TPCN1: variants seen among roughly 807,000 people sequenced by gnomAD.
TPCN1 encodes two pore segment channel 1, also known as two pore channel protein 1.
A neutral mutation model predicts 108.8 loss-of-function variants in TPCN1; 52 were observed. The observed-to-expected ratio is 0.48, with a 90% CI of 0.38 to 0.60. The LOEUF is 0.60. TPCN1 is among the 20% of genes least tolerant of loss of function. TPCN1 has a pLI of 0.00. For synonymous variants in TPCN1, 446 were observed against 433.7 expected (o/e 1.03, Z -0.35); for missense variants, 806 against 1,072.8 (o/e 0.75, Z 3.47).
chr12:113,288,465 C>G lies in TPCN1; in HGVS notation c.1706+231C>G. On this transcript the variant is annotated intron_variant, in intron 20 of 27. Coordinates refer to ENST00000335509, the MANE Select transcript of TPCN1 (RefSeq NM_017901.6). This position sits in a 1 kb window ranked among gnomAD's most constrained non-coding sequence, Gnocchi z 4.8. The stretch of plus-strand genomic sequence containing the variant: ...AGTAGGGAGGGCAGGGAGCTGTCAA[C>G]TCGCTTACCACCTGTGTCTACATTC... 6.7e-7 allele frequency: 1 copy of G among 1,497,030 alleles called. No homozygotes were observed. The highest frequency in any genetic ancestry group is 8.9e-7 in the Non-Finnish European group (1 of 1,124,676). 92.7% of individuals were successfully genotyped at this position (1,497,030 alleles called of 1,614,324 possible).
At chr12:113,262,475 T>C (rs1955080202) in intron 3 of TPCN1, among the ~76,000 whole-genome samples, 1 of 152,110 alleles carries the variant, frequency 6.6e-6, no homozygotes, top group African/African-American at 2.4e-5. Context: ...CAATCATCTG[T>C]TTCTCATATG....
In TPCN1 at chr12:113,272,468, C is replaced by T. The variant is rs534874260; in HGVS notation, c.749-190C>T. Among the ~76,000 whole-genome samples the T allele has an allele frequency of 2.6e-5, 4 of 152,310 alleles. No individual in the cohort carries two copies. The highest frequency in any genetic ancestry group is 2.1e-4 in the South Asian group (1 of 4,830). On this transcript the variant is annotated intron_variant, in intron 7 of 27. Transcript: ENST00000335509. The surrounding 1 kb of genome is among the most constrained non-coding windows in gnomAD (Gnocchi z 4.1). ...CGGCACATTGCTGTAGGGCAGCAAG[C>T]GTCTGGTGCCAGCAGCCCTGCTCCC...
Position 113,240,006 on chromosome 12 carries a change from A to G in TPCN1, c.112+13042A>G, listed in dbSNP as rs186529920. 5.0e-3 allele frequency among the ~76,000 whole-genome samples: 762 copies of G among 151,822 alleles called. 9 individuals are homozygous for G. Among genetic ancestry groups the G allele is most frequent in the African/African-American group, 0.017 (718 of 41,398 alleles). On this transcript the variant is annotated intron_variant, in intron 2 of 27. Transcript: ENST00000335509. ...TTGTGGGTGGTCGTCGACAAGCATG[A>G]TGTCTTCTCTCTGTGACTCTCGAGG...
At chr12:113,241,397 T>G (rs991800662) in intron 2 of TPCN1, among the ~76,000 whole-genome samples, 2 of 152,214 alleles carry the variant, frequency 1.3e-5, no homozygotes, top group Non-Finnish European at 1.5e-5. Context: ...GCGTGGCCAG[T>G]GTTCATGGAA....
chr12:113,222,344 C>T (rs973624152), intron 1 of TPCN1, among the ~76,000 whole-genome samples: 2 of 152,182 alleles, frequency 1.3e-5, no homozygotes, highest in Non-Finnish European at 2.9e-5. Flanking sequence ...CTTCAATTTC[C>T]TCATTCCTAA....
intron 2 of TPCN1, among the ~76,000 whole-genome samples, chr12:113,233,644 G>A (rs1056674527): frequency 1.3e-5 from 2 of 152,226 alleles, no homozygotes; most frequent in African/African-American, 4.8e-5. Flanking sequence ...TATGCCTGGG[G>A]AGAGGATGTG....
rs902588936 is a variant in TPCN1, at chr12:113,232,204, G to A, written c.112+5240G>A. On this transcript the variant is annotated intron_variant, in intron 2 of 27. Transcript: ENST00000335509. This position sits in a 1 kb window ranked among gnomAD's most constrained non-coding sequence, Gnocchi z 5.6. Reference sequence around the variant, plus strand: ...TGCAGCTAAGGCCCAAGGTCACAGCGCAGAGAGCTGACCTCTCCCTCCTTC... The same window carrying A: ...TGCAGCTAAGGCCCAAGGTCACAGCACAGAGAGCTGACCTCTCCCTCCTTC... Among the ~76,000 whole-genome samples the A allele has an allele frequency of 3.9e-5, 6 of 152,224 alleles. No homozygotes were observed. Among genetic ancestry groups the A allele is most frequent in the Admixed American group, 1.3e-4 (2 of 15,284 alleles).
Position 113,266,489 on chromosome 12 carries a change from C to A in TPCN1, c.414+133C>A, listed in dbSNP as rs914897504. On this transcript the variant is annotated intron_variant, in intron 4 of 27. Coordinates refer to ENST00000335509, the MANE Select transcript of TPCN1 (RefSeq NM_017901.6). This position sits in a 1 kb window ranked among gnomAD's most constrained non-coding sequence, Gnocchi z 4.2. ...TTAAAACAGAGAGATACGAGGTGGT[C>A]ATAGAGGCCTTGGGAGCGGAAATGC... The A allele has an allele frequency of 8.1e-7, 1 of 1,235,134 alleles. No homozygotes were observed. Among genetic ancestry groups the A allele is most frequent in the African/African-American group, 1.5e-5 (1 of 66,942 alleles). 76.5% of individuals were successfully genotyped at this position (1,235,134 alleles called of 1,614,324 possible).
rs542766343 is a variant in TPCN1, at chr12:113,231,597, G to A, written c.112+4633G>A. 6.6e-6 allele frequency among the ~76,000 whole-genome samples: 1 copy of A among 152,336 alleles called. No individual in the cohort carries two copies. Among genetic ancestry groups the A allele is most frequent in the African/African-American group, 2.4e-5 (1 of 41,570 alleles). On this transcript the variant is annotated intron_variant, in intron 2 of 27. Coordinates refer to ENST00000335509, the MANE Select transcript of TPCN1 (RefSeq NM_017901.6). The surrounding 1 kb of genome is among the most constrained non-coding windows in gnomAD (Gnocchi z 4.3). ...CCCATTCTTCAGAGGCAGGGACTGAGGAATCTGGCTGTGCTGCCTGTGACC... is the reference window on the plus strand; with the variant it reads ...CCCATTCTTCAGAGGCAGGGACTGAAGAATCTGGCTGTGCTGCCTGTGACC...
intron 2 of TPCN1, among the ~76,000 whole-genome samples, chr12:113,239,178 G>A (rs976219620): frequency 1.3e-5 from 2 of 152,096 alleles, no homozygotes; most frequent in African/African-American, 4.8e-5. Context: ...AATATAGGTG[G>A]GAGGGCTAAG....
intron 2 of TPCN1, among the ~76,000 whole-genome samples, chr12:113,253,981 GTA>G (rs1233021644): frequency 1.6e-4 from 24 of 152,236 alleles, no homozygotes; most frequent in Admixed American, 1.6e-3. Context: ...AGAGATGGTA[GTA>G]TAGTGCAGTG....
intron 4 of TPCN1, among the ~76,000 whole-genome samples, 189 bp from the exon 5 acceptor site, chr12:113,267,654 G>A (rs368158981): frequency 2.0e-5 from 3 of 152,124 alleles, no homozygotes; most frequent in African/African-American, 7.2e-5. Flanking sequence ...TCAAGTTTAT[G>A]TTTAGTTGTT....
intron 2 of TPCN1, among the ~76,000 whole-genome samples, chr12:113,248,809 G>A (rs1954508168): frequency 6.6e-6 from 1 of 152,150 alleles, no homozygotes; most frequent in Admixed American, 6.5e-5. Context: ...AAACAAAAAA[G>A]TTACCTAAAA....
rs535372677 is a variant in TPCN1 at position 113,226,803 on chromosome 12, C to T, written c.-50C>T. Reference sequence around the variant, plus strand: ...TTTGAAAGGGAGCTCAAACCAGAGACTATTTCAAGCCCTGGATATCATATC... The same window carrying T: ...TTTGAAAGGGAGCTCAAACCAGAGATTATTTCAAGCCCTGGATATCATATC... On this transcript the variant is annotated 5_prime_UTR_variant, in exon 2 of 28. Transcript: ENST00000335509. The T allele has an allele frequency of 4.8e-5, 77 of 1,612,958 alleles. 1 individual carries two copies. In the South Asian group the frequency reaches 8.5e-4, roughly 18 times the overall value.
intron 2 of TPCN1, among the ~76,000 whole-genome samples, chr12:113,254,824 A>G (rs1300323244): frequency 6.6e-6 from 1 of 152,218 alleles, no homozygotes; most frequent in African/African-American, 2.4e-5. Flanking sequence ...GTAGACACAG[A>G]AAGTGTTTGA....
intron 2 of TPCN1, among the ~76,000 whole-genome samples, chr12:113,236,544 G>C (rs1235205079): frequency 1.3e-5 from 2 of 152,028 alleles, no homozygotes; most frequent in African/African-American, 4.8e-5. Context: ...GAAGTAAGGA[G>C]GGGGGTTGCA....
At chr12:113,265,142 G>A (rs1239043606) in intron 3 of TPCN1, among the ~76,000 whole-genome samples, 1 of 152,120 alleles carries the variant, frequency 6.6e-6, no homozygotes, top group African/African-American at 2.4e-5. Flanking sequence ...GCTCTTGATG[G>A]GTGTTAAAGG....
chr12:113,290,724 C>T (rs1161825036), intron 22 of TPCN1, among the ~76,000 whole-genome samples: 1 of 152,192 alleles, frequency 6.6e-6, no homozygotes, highest in Non-Finnish European at 1.5e-5. Context: ...GTGGCACAGG[C>T]TGCTGAGGCA....
chr12:113,293,592 A>G (rs1293385485), intron 27 of TPCN1, among the ~76,000 whole-genome samples: 2 of 152,204 alleles, frequency 1.3e-5, no homozygotes, highest in East Asian at 1.9e-4. Flanking sequence ...CCTGCCCCTT[A>G]TGAATTCTCC....
Sources: allele counts gnomAD v4.1 joint callset (sites outside exome capture counted in the v4.1 genomes callset), GRCh38; gene constraint gnomAD v4.1.1; non-coding constraint Gnocchi (gnomAD v3.1); transcripts MANE v1.5; gene names NCBI Gene and HGNC (gene_info 2026-07-23, HGNC 2026-07-21).